Variants in NETO2 observed in about 807,000 individuals in gnomAD.
NETO2 encodes the protein neuropilin and tolloid-like protein 2.
NETO2 carries 28 observed loss-of-function variants against 62.5 expected under a neutral mutation model. That is an observed-to-expected ratio of 0.45 (90% CI 0.33 to 0.61). The LOEUF is 0.61. NETO2 is among the 20% of genes least tolerant of loss of function. The pLI is 0.02. For missense variants in NETO2, 548 were observed against 643.2 expected, an observed-to-expected ratio of 0.85 and a Z score of 1.60; for synonymous variants, 214 against 219.1, an observed-to-expected ratio of 0.98 and a Z score of 0.21.
At chr16:47,094,392 A>G (rs945642132) in intron 7 of NETO2, among the ~76,000 whole-genome samples, 6 of 151,128 alleles carry the variant, frequency 4.0e-5, no homozygotes, top group African/African-American at 1.5e-4. Flanking sequence ...AGGAACCTAA[A>G]GGAAGGTTTG....
intron 4 of NETO2, among the ~76,000 whole-genome samples, chr16:47,127,631 G>A (rs1964183986): frequency 6.6e-6 from 1 of 152,180 alleles, no homozygotes; most frequent in African/African-American, 2.4e-5. Context: ...TCTCCCCCAG[G>A]TTCCTAGAGG....
At chr16:47,096,998 C>T (rs1215751489) in intron 7 of NETO2, among the ~76,000 whole-genome samples, 2 of 152,218 alleles carry the variant, frequency 1.3e-5, no homozygotes, top group Admixed American at 6.5e-5. Flanking sequence ...GGCCCAGATA[C>T]TACACTTTTC....
intron 6 of NETO2, among the ~76,000 whole-genome samples, chr16:47,118,290 T>C (rs1963963099): frequency 1.3e-5 from 2 of 152,182 alleles, no homozygotes; most frequent in South Asian, 4.1e-4. Flanking sequence ...AGGTGGTTTA[T>C]ACTGTAACAT....
At chr16:47,113,727 G>C (rs1963851215) in intron 6 of NETO2, among the ~76,000 whole-genome samples, 1 of 151,602 alleles carries the variant, frequency 6.6e-6, no homozygotes, top group Non-Finnish European at 1.5e-5. Flanking sequence ...AAGTAGCTGG[G>C]ATTACAGGCA....
intron 6 of NETO2, among the ~76,000 whole-genome samples, chr16:47,120,430 T>A (rs566518559): frequency 6.6e-6 from 1 of 152,212 alleles, no homozygotes; most frequent in Non-Finnish European, 1.5e-5. Context: ...TGAGCTATCA[T>A]GATATAGGTA....
chr16:47,137,274 T>C (rs1339218118), intron 1 of NETO2, among the ~76,000 whole-genome samples: 1 of 152,222 alleles, frequency 6.6e-6, no homozygotes, highest in Non-Finnish European at 1.5e-5. Context: ...ATGGGAGTAC[T>C]TTCAGAGACT....
At chr16:47,129,449 C>T (rs554559931) in intron 2 of NETO2, 85 bp from the exon 3 acceptor site, 19 of 1,362,942 alleles carry the variant, frequency 1.4e-5, no homozygotes, top group Non-Finnish European at 1.9e-5. Context: ...CAAACGATTG[C>T]TCACTCTATG....
chr16:47,129,676 A>G (rs2151490552), intron 2 of NETO2, among the ~76,000 whole-genome samples: 1 of 152,314 alleles, frequency 6.6e-6, no homozygotes, highest in South Asian at 2.1e-4. Flanking sequence ...GTTCTAACCT[A>G]AAAATAAAGG....
Position 47,083,812 on chromosome 16 carries a change from A to C in NETO2, c.998-11T>G. 1 of 1,548,352 alleles carries C rather than the reference A, an allele frequency of 6.5e-7. No individual in the cohort carries two copies. The highest frequency in any genetic ancestry group is 8.8e-7 in the Non-Finnish European group (1 of 1,141,816). On this transcript the variant is annotated splice_polypyrimidine_tract_variant and intron_variant, in intron 8 of 8. Transcript: ENST00000562435. ...CTGCTTTTTTCTTTTCTGCAGAAAG[A>C]AAATGAGAAACGTTAAGTTTTCAAA...
chr16:47,141,920 A>C (rs181010700), intron 1 of NETO2, among the ~76,000 whole-genome samples: 3 of 152,294 alleles, frequency 2.0e-5, no homozygotes, highest in Non-Finnish European at 4.4e-5. Context: ...TCCCTTCACC[A>C]TTGGAGGAGG....
intron 7 of NETO2, among the ~76,000 whole-genome samples, chr16:47,097,856 C>T (rs1333502516): frequency 6.6e-6 from 1 of 152,178 alleles, no homozygotes; most frequent in African/African-American, 2.4e-5. Flanking sequence ...TATTCTGTAG[C>T]CTCCACTAGT....
chr16:47,106,367 A>G (rs1271859978), intron 7 of NETO2, among the ~76,000 whole-genome samples: 1 of 152,188 alleles, frequency 6.6e-6, no homozygotes, highest in East Asian at 1.9e-4. Context: ...AAAATGCTCT[A>G]AAGACAGTGG....
In NETO2 at chr16:47,114,439, C is replaced by CTTTTTTT. The variant is rs33994080; in HGVS notation, c.655-4735_655-4729dup. Reference sequence around the variant, plus strand: ...TTTCATTAGTCCAATTTATAAATTTCTTTTTTTTTTTTTTTTTTTTTTTTT... The same window carrying CTTTTTTT: ...TTTCATTAGTCCAATTTATAAATTTCTTTTTTTTTTTTTTTTTTTTTTTTTTTTTTTT... On this transcript the variant is annotated intron_variant, in intron 6 of 8. Transcript: ENST00000562435. 2.6e-3 allele frequency among the ~76,000 whole-genome samples: 97 copies of CTTTTTTT among 37,934 alleles called. 11 individuals are homozygous for CTTTTTTT. Among genetic ancestry groups the CTTTTTTT allele is most frequent in the Non-Finnish European group, 3.8e-3 (76 of 19,748 alleles). 24.9% of individuals were successfully genotyped at this position (37,934 alleles called of 152,430 possible).
rs1176449121 is a variant in NETO2, at chr16:47,082,461, A to AT, written c.*759dup. 6.6e-6 allele frequency: 1 copy of AT among 152,234 alleles called. No individual in the cohort carries two copies. The highest frequency in any genetic ancestry group is 1.5e-5 in the Non-Finnish European group (1 of 68,046). 9.4% of individuals were successfully genotyped at this position (152,234 alleles called of 1,614,324 possible). Reference sequence around the variant, plus strand: ...TGCTAGAAATTTTTATCTTTTTCAAATTTTTAGTCATAGCTGACAATGGTA... The same window carrying AT: ...TGCTAGAAATTTTTATCTTTTTCAAATTTTTTAGTCATAGCTGACAATGGTA... On this transcript the variant is annotated 3_prime_UTR_variant, in exon 9 of 9. Transcript: ENST00000562435.
intron 7 of NETO2, among the ~76,000 whole-genome samples, chr16:47,095,560 TA>T (rs1448172273): frequency 1.3e-5 from 2 of 152,056 alleles, no homozygotes; most frequent in East Asian, 3.8e-4. Flanking sequence ...TAGTCTTGGA[TA>T]AAAAAGGACA....
intron 4 of NETO2, among the ~76,000 whole-genome samples, chr16:47,124,993 A>G (rs1964126826): frequency 6.6e-6 from 1 of 151,304 alleles, no homozygotes; most frequent in Non-Finnish European, 1.5e-5. Context: ...GAGGAAAAAG[A>G]GCTACTTGAC....
At chr16:47,110,626 A>C (rs192825731) in intron 6 of NETO2, among the ~76,000 whole-genome samples, 1 of 152,252 alleles carries the variant, frequency 6.6e-6, no homozygotes, top group Non-Finnish European at 1.5e-5. Context: ...CTAGTTTCTC[A>C]TATGTGACTC....
Position 47,143,814 on chromosome 16 carries a change from C to T in NETO2, c.-202G>A, listed in dbSNP as rs1354790321. On this transcript the variant is annotated 5_prime_UTR_variant, in exon 1 of 9. It adds an upstream start codon to the 5' untranslated region. Transcript: ENST00000562435. ...AGTGGGCTCCCGCGCGGCCCGAGCACCCCGACGGGCGCCGCCTCCTGCTCC... is the reference window on the plus strand; with the variant it reads ...AGTGGGCTCCCGCGCGGCCCGAGCATCCCGACGGGCGCCGCCTCCTGCTCC... The T allele has an allele frequency of 3.2e-6, 2 of 616,254 alleles. No homozygotes were observed. Among genetic ancestry groups the T allele is most frequent in the Non-Finnish European group, 4.5e-6 (2 of 443,636 alleles). 38.2% of individuals were successfully genotyped at this position (616,254 alleles called of 1,614,324 possible).
In NETO2 at chr16:47,133,604, C is replaced by CATAAAATAAA. The variant is rs138640228; in HGVS notation, c.35-1589_35-1580dup. On this transcript the variant is annotated intron_variant, in intron 1 of 8. Coordinates refer to ENST00000562435, the MANE Select transcript of NETO2 (RefSeq NM_018092.5). ...AATAACATAACATAAAATGACATAA[C>CATAAAATAAA]ATAAAATAAAATAAAATAAAATAAA... Among the ~76,000 whole-genome samples the CATAAAATAAA allele has an allele frequency of 3.8e-3, 518 of 135,812 alleles. 1 individual carries two copies. Among genetic ancestry groups the CATAAAATAAA allele is most frequent in the African/African-American group, 9.1e-3 (334 of 36,570 alleles). The allele number at this position is 135,812 out of a possible 152,430, so 89.1% of individuals were successfully genotyped here.
Sources: gnomAD v4.1 joint callset for allele counts (sites outside exome capture counted in the v4.1 genomes callset) on GRCh38, gnomAD v4.1.1 for gene constraint, MANE v1.5 for transcripts, NCBI Gene and HGNC (gene_info 2026-07-23, HGNC 2026-07-21) for gene names.